The following SYT10 variants were observed in gnomAD, a reference collection of about 807,000 sequenced individuals.
SYT10 encodes synaptotagmin 10.
SYT10 carries 31 observed loss-of-function variants against 51.1 expected under a neutral mutation model. That is an observed-to-expected ratio of 0.61 (90% confidence interval 0.46 to 0.82). SYT10 has a LOEUF of 0.82. Among genes scored for constraint, SYT10 ranks in the 40% least tolerant of loss-of-function variants. The pLI is 0.00. For synonymous variants in SYT10, 233 were observed against 225.9 expected, an observed-to-expected ratio of 1.03 and a Z score of -0.28; for missense variants, 603 against 634.0, an observed-to-expected ratio of 0.95 and a Z score of 0.53.
At chr12:33,385,065 T>C in intron 4 of SYT10, 106 bp downstream of exon 4, 7 of 1,341,524 alleles carry the variant, frequency 5.2e-6, no homozygotes, top group South Asian at 1.5e-5. Context: ...TCTTTTGTAG[T>C]ACTCCCATTA....
At chr12:33,436,179 A>G (rs564745790) in intron 1 of SYT10, among the ~76,000 whole-genome samples, 1 of 152,288 alleles carries the variant, frequency 6.6e-6, no homozygotes, top group South Asian at 2.1e-4. Flanking sequence ...GTAATCAGAA[A>G]TTAAGCTAAA....
At position 33,439,665 on chromosome 12, in the gene SYT10, C is replaced by G; in HGVS notation, c.-143G>C. ...AGATTGCGCCGCTGAGAGCCGGCAA[C>G]TCTTAGGAGCCCCACGTTGGCCCCA... On this transcript the variant is annotated 5_prime_UTR_variant, in exon 1 of 7. Coordinates refer to ENST00000228567, the MANE Select transcript of SYT10 (RefSeq NM_198992.4). The G allele has an allele frequency of 1.0e-6, 1 of 1,004,284 alleles. No individual in the cohort carries two copies. Among genetic ancestry groups the G allele is most frequent in the Non-Finnish European group, 1.4e-6 (1 of 701,344 alleles). 62.2% of individuals were successfully genotyped at this position (1,004,284 alleles called of 1,614,324 possible).
At chr12:33,432,850 C>A (rs1189080510) in intron 1 of SYT10, 1 of 151,996 alleles carries the variant, frequency 6.6e-6, no homozygotes, top group Admixed American at 6.6e-5. Flanking sequence ...TCATTAATAT[C>A]GGTTCCTTTC....
At chr12:33,392,575 T>A (rs1440413973) in intron 3 of SYT10, among the ~76,000 whole-genome samples, 1 of 152,056 alleles carries the variant, frequency 6.6e-6, no homozygotes. Context: ...ATTTTTTACA[T>A]CATATTTTCA....
At chr12:33,393,856 T>C (rs1248827514) in intron 3 of SYT10, among the ~76,000 whole-genome samples, 1 of 152,246 alleles carries the variant, frequency 6.6e-6, no homozygotes, top group African/African-American at 2.4e-5. Flanking sequence ...TTTCATATAG[T>C]ACGTGCCTTC....
intron 2 of SYT10, among the ~76,000 whole-genome samples, chr12:33,409,508 G>T (rs528561935): frequency 3.4e-5 from 5 of 145,770 alleles, no homozygotes; most frequent in Admixed American, 1.4e-4. Context: ...TGAGAACATT[G>T]ATTTCTTTTC....
chr12:33,422,334 T>G (rs1227336332), intron 2 of SYT10, among the ~76,000 whole-genome samples: 1 of 152,120 alleles, frequency 6.6e-6, no homozygotes, highest in Non-Finnish European at 1.5e-5. Flanking sequence ...CATTTTCATG[T>G]TTCTTTTTGT....
intron 3 of SYT10, among the ~76,000 whole-genome samples, chr12:33,400,037 G>A (rs548662112): frequency 2.0e-5 from 3 of 152,150 alleles, no homozygotes; most frequent in Non-Finnish European, 4.4e-5. Flanking sequence ...TACACCCCAG[G>A]AGACCTGGTA....
In SYT10 at chr12:33,436,875, T is replaced by C. The variant is rs192341746; in HGVS notation, c.151+2497A>G. On this transcript the variant is annotated intron_variant, in intron 1 of 6. Transcript: ENST00000228567. ...TTCAAAGTAAATAAGCACTGTGCCA[T>C]TCAACATTGTTGATGTCTTCCTACC... Among the ~76,000 whole-genome samples, 39 of 152,286 alleles carry C rather than the reference T, an allele frequency of 2.6e-4. No homozygotes were observed. The South Asian group carries it at 2.9e-3, about 11-fold the overall frequency.
At position 33,376,825 on chromosome 12, in the gene SYT10, A is replaced by G. The variant is rs1207296534; in HGVS notation, c.*5T>C. On this transcript the variant is annotated 3_prime_UTR_variant, in exon 7 of 7. Transcript: ENST00000228567. ...GCTTAATATCATGGTCTCATTTTGG[A>G]GGCATTATGGTGTGGAAGGTGGTTT... The G allele has an allele frequency of 6.2e-7, 1 of 1,613,880 alleles. No homozygotes were observed. The highest frequency in any genetic ancestry group is 2.2e-5 in the East Asian group (1 of 44,878).
chr12:33,397,619 C>T (rs1213320006), intron 3 of SYT10, among the ~76,000 whole-genome samples: 1 of 152,064 alleles, frequency 6.6e-6, no homozygotes, highest in African/African-American at 2.4e-5. Flanking sequence ...AACCTAAAGA[C>T]ACACCTAGGA....
At chr12:33,425,858 A>G (rs191796961) in intron 2 of SYT10, among the ~76,000 whole-genome samples, 133 of 152,202 alleles carry the variant, frequency 8.7e-4, no homozygotes, top group African/African-American at 3.1e-3. Flanking sequence ...TAGTTACACG[A>G]TTTTACTGAG....
chr12:33,407,061 G>T lies in SYT10; in HGVS notation c.805C>A (p.Pro269Thr). 1 of 1,614,000 alleles carries T rather than the reference G, an allele frequency of 6.2e-7. No homozygotes were observed. Among genetic ancestry groups the T allele is most frequent in the Non-Finnish European group, 8.5e-7 (1 of 1,179,996 alleles). Residue 269 changes from proline to threonine, a missense_variant, in exon 3 of 7, where the codon CCT becomes ACT. Physicochemically the swap from Pro to Thr is conservative, Grantham distance 38. Coordinates refer to ENST00000228567, the MANE Select transcript of SYT10 (RefSeq NM_198992.4). ...PAKDFTGTSDPYVKMYLLPDR... is the reference protein window; with the variant it reads ...PAKDFTGTSDTYVKMYLLPDR... ...GGAAGAAGATACATCTTCACATAAG[G>T]GTCAGAAGTTCCTGTGAAGTCTTTA...
chr12:33,395,632 C>T (rs781565297), intron 3 of SYT10, among the ~76,000 whole-genome samples: 27 of 152,124 alleles, frequency 1.8e-4, no homozygotes, highest in Non-Finnish European at 2.9e-4. Flanking sequence ...TCTGAAATAA[C>T]ATTGACTCCA....
At position 33,439,746 on chromosome 12, in the gene SYT10, C is replaced by G. The variant is rs7309229; in HGVS notation, c.-224G>C. On this transcript the variant is annotated 5_prime_UTR_variant, in exon 1 of 7. Transcript: ENST00000228567. ...AGGCGCGCGAGGAGGCTGCGGCTGC[C>G]GCGAGGTTTGCGCCAACTCTCCCGC... The G allele has an allele frequency of 0.53, 285,049 of 534,066 alleles. 80,659 individuals are homozygous for G. Among genetic ancestry groups the G allele is most frequent in the East Asian group, 0.88 (26,757 of 30,252 alleles). The allele number at this position is 534,066 out of a possible 1,614,324, so 33.1% of individuals were successfully genotyped here. A position where few individuals can be genotyped will look rare whatever the true frequency, so the allele number is the denominator to read the frequency against.
intron 3 of SYT10, among the ~76,000 whole-genome samples, chr12:33,400,994 T>C (rs901803234): frequency 6.7e-6 from 1 of 150,092 alleles, no homozygotes; most frequent in African/African-American, 2.5e-5. Flanking sequence ...ACCACTGAAC[T>C]CCAGCCTGAG....
At chr12:33,416,103 CAG>C (rs1360142042) in intron 2 of SYT10, among the ~76,000 whole-genome samples, 2 of 120,978 alleles carry the variant, frequency 1.7e-5, no homozygotes, top group African/African-American at 6.2e-5. Context: ...GTTGTTGAGA[CAG>C]AGTCTCACTC....
At chr12:33,398,040 G>A (rs1866271744) in intron 3 of SYT10, among the ~76,000 whole-genome samples, 1 of 152,018 alleles carries the variant, frequency 6.6e-6, no homozygotes, top group Non-Finnish European at 1.5e-5. Context: ...GGGATGGGAA[G>A]GATAGGCAGT....
intron 3 of SYT10, among the ~76,000 whole-genome samples, chr12:33,400,963 G>C (rs145703338): frequency 1.8e-4 from 28 of 151,576 alleles, no homozygotes; most frequent in African/African-American, 6.5e-4. Context: ...GGAGGTGGAG[G>C]CTGCAGTGAG....
Sources: allele counts gnomAD v4.1 joint callset (sites outside exome capture counted in the v4.1 genomes callset), GRCh38; gene constraint gnomAD v4.1.1; transcripts MANE v1.5; gene names NCBI Gene and HGNC (gene_info 2026-07-23, HGNC 2026-07-21).